ENTREP2: variants seen among roughly 807,000 people sequenced by gnomAD.
The protein encoded by ENTREP2 is protein ENTREP2.
chr15:29,139,584 G>A, the ENTREP2 span, among the ~76,000 whole-genome samples: 1 of 152,230 alleles, frequency 6.6e-6, no homozygotes, highest in South Asian at 2.1e-4. Context: ...ATTCCACCAG[G>A]AAGGAGAACA....
the ENTREP2 span, among the ~76,000 whole-genome samples, chr15:29,668,125 G>A: frequency 1.3e-5 from 2 of 152,276 alleles, no homozygotes; most frequent in Middle Eastern, 6.8e-3. Flanking sequence ...CCAATCAATC[G>A]TGGAAGAAAA....
At chr15:29,269,339 A>C in the ENTREP2 span, 7 of 1,614,074 alleles carry the variant, frequency 4.3e-6, no homozygotes, top group Non-Finnish European at 5.1e-6. Flanking sequence ...AGGTCGGGGA[A>C]GATGTCCTTG....
At chr15:29,381,734 A>AC in the ENTREP2 span, 20 of 1,532,650 alleles carry the variant, frequency 1.3e-5, no homozygotes, top group African/African-American at 2.8e-4. Context: ...TGAAGGTGGA[A>AC]CCCTGCTCCA....
the ENTREP2 span, among the ~76,000 whole-genome samples, chr15:29,360,683 A>T: frequency 6.6e-6 from 1 of 152,154 alleles, no homozygotes; most frequent in African/African-American, 2.4e-5. Flanking sequence ...GTACCTGCTT[A>T]TACCACGTGG....
the ENTREP2 span, among the ~76,000 whole-genome samples, chr15:29,193,214 T>C: frequency 4.6e-5 from 7 of 152,234 alleles, no homozygotes; most frequent in African/African-American, 9.6e-5. Flanking sequence ...TGGCAAAGCA[T>C]TGTTTCTGGG....
chr15:29,125,943 G>A, the ENTREP2 span, among the ~76,000 whole-genome samples: 1,269 of 152,280 alleles, frequency 8.3e-3, 23 homozygotes, highest in African/African-American at 0.028. Flanking sequence ...TATCGTTGGG[G>A]GTCATCTGTC....
the ENTREP2 span, among the ~76,000 whole-genome samples, chr15:29,492,986 AGAGT>A: frequency 1.3e-5 from 2 of 151,560 alleles, no homozygotes; most frequent in African/African-American, 2.4e-5. Flanking sequence ...CTGGGGCGAC[AGAGT>A]GAGACTCCGT....
At chr15:29,344,295 T>C in the ENTREP2 span, among the ~76,000 whole-genome samples, 4 of 152,182 alleles carry the variant, frequency 2.6e-5, no homozygotes, top group African/African-American at 9.7e-5. Context: ...AAGCCAAATC[T>C]AAATGTTTAA....
chr15:29,515,196 A>G, the ENTREP2 span, among the ~76,000 whole-genome samples: 21 of 152,328 alleles, frequency 1.4e-4, no homozygotes, highest in African/African-American at 5.0e-4. Flanking sequence ...ACCCCCAGCT[A>G]GACAGTGCAG....
At chr15:29,437,771 A>G in the ENTREP2 span, among the ~76,000 whole-genome samples, 2 of 152,224 alleles carry the variant, frequency 1.3e-5, no homozygotes, top group Non-Finnish European at 2.9e-5. Flanking sequence ...CAAGTAAGAC[A>G]GCTCCAATCA....
At chr15:29,537,452 T>G in the ENTREP2 span, among the ~76,000 whole-genome samples, 1 of 152,226 alleles carries the variant, frequency 6.6e-6, no homozygotes, top group Non-Finnish European at 1.5e-5. Flanking sequence ...GGTTTCCTCC[T>G]GATTCTTCTT....
the ENTREP2 span, among the ~76,000 whole-genome samples, chr15:29,589,510 G>A: frequency 5.3e-4 from 80 of 152,198 alleles, no homozygotes; most frequent in African/African-American, 1.8e-3. Flanking sequence ...GTCTTCATTC[G>A]TCACGGAGAA....
chr15:29,598,315 G>T, the ENTREP2 span, among the ~76,000 whole-genome samples: 1 of 152,084 alleles, frequency 6.6e-6, no homozygotes, highest in Non-Finnish European at 1.5e-5. Context: ...TCATTATTGT[G>T]GTGATTTGCA....
chr15:29,534,106 C>CAAA, the ENTREP2 span, among the ~76,000 whole-genome samples: 119 of 44,916 alleles, frequency 2.6e-3, no homozygotes, highest in Non-Finnish European at 3.4e-3. Flanking sequence ...GCCCCTTGGC[C>CAAA]AAAAAAAAAA....
chr15:29,541,276 G>T, the ENTREP2 span, among the ~76,000 whole-genome samples: 1 of 152,166 alleles, frequency 6.6e-6, no homozygotes, highest in African/African-American at 2.4e-5. Context: ...CATCTCATCT[G>T]TTCACTCGCT....
At chr15:29,506,587 G>A in the ENTREP2 span, among the ~76,000 whole-genome samples, 12 of 152,300 alleles carry the variant, frequency 7.9e-5, no homozygotes, top group Admixed American at 7.8e-4. Context: ...AGCCAGAAGA[G>A]AGTAGGGGCC....
At chr15:29,603,571 T>A in the ENTREP2 span, among the ~76,000 whole-genome samples, 8 of 152,162 alleles carry the variant, frequency 5.3e-5, no homozygotes, top group Non-Finnish European at 1.2e-4. Flanking sequence ...TGGGAAGCAC[T>A]GAGAAGCAGA....
chr15:29,361,294 C>A, the ENTREP2 span, among the ~76,000 whole-genome samples: 1 of 152,184 alleles, frequency 6.6e-6, no homozygotes, highest in East Asian at 1.9e-4. Context: ...TTAGCAATTA[C>A]CCTTGTATTA....
chr15:29,228,086 C>G, the ENTREP2 span, among the ~76,000 whole-genome samples: 1 of 152,110 alleles, frequency 6.6e-6, no homozygotes, highest in Non-Finnish European at 1.5e-5. Context: ...AATCCCAACA[C>G]TTTGGGAGGC....
Sources: gnomAD v4.1 joint callset for allele counts (sites outside exome capture counted in the v4.1 genomes callset) on GRCh38, gnomAD v4.1.1 for gene constraint, MANE v1.5 for transcripts, NCBI Gene and HGNC (gene_info 2026-07-23, HGNC 2026-07-21) for gene names.